Variants in TEX35 observed in about 807,000 individuals in gnomAD.
TEX35 encodes testis expressed 35, also known as testis-expressed protein 35.
A neutral mutation model predicts 31.9 loss-of-function variants in TEX35; 26 were observed. The ratio of observed to expected loss-of-function variants is 0.81; its 90% confidence interval spans 0.60 to 1.13. The LOEUF is 1.13. Among genes scored for constraint, TEX35 ranks in the 50% most tolerant of loss-of-function variants. TEX35 has a pLI of 0.00. For missense variants in TEX35, 278 were observed against 273.5 expected, an observed-to-expected ratio of 1.02 and a Z score of -0.12; for synonymous variants, 87 against 90.7, an observed-to-expected ratio of 0.96 and a Z score of 0.23.
At position 178,521,322 on chromosome 1, in the gene TEX35, G is replaced by T. The variant is rs574378762; in HGVS notation, c.586+58G>T. 6 of 1,595,196 alleles carry T rather than the reference G, an allele frequency of 3.8e-6. No homozygotes were observed. The South Asian group carries it at 6.6e-5, about 18-fold the overall frequency. On this transcript the variant is annotated intron_variant, in intron 8 of 8. Transcript: ENST00000319416. ...CGATCAGGTGCCTTGTTGTCCCCAA[G>T]GCCATGTGCTCCCAGCCGCATTCAC...
intron 1 of TEX35, 86 bp from the exon 2 acceptor site, chr1:178,513,941 G>GGGCAGGT (rs1282708373): frequency 3.3e-6 from 5 of 1,510,418 alleles, no homozygotes; most frequent in Non-Finnish European, 4.5e-6. Flanking sequence ...GGGGGGCAGG[G>GGGCAGGT]GGCAGGGTTC....
At chr1:178,521,072 T>A in intron 7 of TEX35, 150 bp from the exon 8 acceptor site, 2 of 1,571,272 alleles carry the variant, frequency 1.3e-6, no homozygotes, top group Non-Finnish European at 1.7e-6. Flanking sequence ...GCTGTGACCA[T>A]GCAGGACTTG....
At position 178,516,635 on chromosome 1, in the gene TEX35, G is replaced by T. The variant is rs760953202; in HGVS notation, c.237G>T (p.Lys79Asn). The change falls in exon 5 of 9, where the codon AAG (lysine) becomes AAT (asparagine). Residue 79 changes from lysine (K) to asparagine (N), a missense_variant. Physicochemically the swap from Lys to Asn is moderately conservative, Grantham distance 94. Coordinates refer to ENST00000319416, the MANE Select transcript of TEX35 (RefSeq NM_032126.5). ...GTTAGATAAAGGATCTAATGGACAA[G>T]GATTTTGATAAACTTCACGAATTTG... is the stretch of plus-strand genomic sequence containing the variant. ...EIKQIKDLMD[K>N]DFDKLHEFVE... is the part of the protein sequence containing the mutation. The T allele has an allele frequency of 6.2e-7, 1 of 1,613,674 alleles. No individual in the cohort carries two copies. Among genetic ancestry groups the T allele is most frequent in the Non-Finnish European group, 8.5e-7 (1 of 1,179,734 alleles).
At chr1:178,523,064 G>C (rs1377435186), downstream of TEX35, among the ~76,000 whole-genome samples, 2 of 152,124 alleles carry the variant, frequency 1.3e-5, no homozygotes, top group East Asian at 1.9e-4. Flanking sequence ...TTGTCTTTCT[G>C]TGCCCGGCTT....
intron 2 of TEX35, 71 bp from the exon 3 acceptor site, chr1:178,514,629 C>G: frequency 1.4e-6 from 2 of 1,450,928 alleles, no homozygotes; most frequent in South Asian, 1.2e-5. Context: ...ACAGGGGGAT[C>G]TCTTCTGCCT....
Position 178,521,269 on chromosome 1 carries a change from G to A in TEX35, c.586+5G>A, listed in dbSNP as rs1334201091. On this transcript the variant is annotated splice_donor_5th_base_variant and intron_variant, in intron 8 of 8. Transcript: ENST00000319416. ...TAAAGAACAACTACAATCGGGGTAG[G>A]TAGATTCATACAAGATGTGCCTTTT... 2.5e-6 allele frequency: 4 copies of A among 1,614,204 alleles called. No homozygotes were observed. Among genetic ancestry groups the A allele is most frequent in the South Asian group, 1.1e-5 (1 of 91,088 alleles).
At chr1:178,514,118 A>G in intron 2 of TEX35, 41 bp downstream of exon 2, 4 of 1,614,096 alleles carry the variant, frequency 2.5e-6, no homozygotes, top group Non-Finnish European at 3.4e-6. Context: ...GCCAGGCCTG[A>G]GATCCATGGG....
Position 178,520,447 on chromosome 1 carries a change from C to A in TEX35, c.341+11C>A, listed in dbSNP as rs1461886816. ...GAAGAACTATAAGCTGTAAGTGTAA[C>A]CTGCACTCGTCTCTCCTCATCCCTA... On this transcript the variant is annotated intron_variant, in intron 6 of 8. Transcript: ENST00000319416. 6.2e-7 allele frequency: 1 copy of A among 1,614,074 alleles called. No individual in the cohort carries two copies. The highest frequency in any genetic ancestry group is 8.5e-7 in the Non-Finnish European group (1 of 1,179,996).
intron 5 of TEX35, 54 bp from the exon 6 acceptor site, chr1:178,520,318 G>GT: frequency 6.4e-7 from 1 of 1,551,676 alleles, no homozygotes; most frequent in Non-Finnish European, 8.8e-7. Context: ...CAGGAGGAAG[G>GT]TATTTCCAAA....
chr1:178,523,192 A>C, downstream of TEX35: 1 of 647,900 alleles, frequency 1.5e-6, no homozygotes, highest in Non-Finnish European at 2.8e-6. Flanking sequence ...TTCCTCATTC[A>C]TCTGTTGATG....
chr1:178,520,437 G>A lies in TEX35; in HGVS notation c.341+1G>A. ...TAAATACACAGAAGAACTATAAGCT[G>A]TAAGTGTAACCTGCACTCGTCTCTC... is the stretch of plus-strand genomic sequence containing the variant. On this transcript the variant is annotated splice_donor_variant, in intron 6 of 8. Transcript: ENST00000319416. LOFTEE classifies it high-confidence loss of function. 1 of 1,614,106 alleles carries A rather than the reference G, an allele frequency of 6.2e-7. No homozygotes were observed. The highest frequency in any genetic ancestry group is 8.5e-7 in the Non-Finnish European group (1 of 1,180,010).
chr1:178,522,211 C>G, intron 8 of TEX35, 114 bp from the exon 9 acceptor site: 1 of 1,380,234 alleles, frequency 7.2e-7, no homozygotes, highest in South Asian at 1.5e-5. Context: ...GTCTTGTCAC[C>G]AAGCAGGACT....
chr1:178,522,606 C>G lies in TEX35; in HGVS notation c.*166C>G. On this transcript the variant is annotated 3_prime_UTR_variant, in exon 9 of 9. Transcript: ENST00000319416. ...AGTTCCTCCTTGTTTCATCTCTTTG[C>G]TAAGCTGGCTGCTTCTACCATCTAA... The G allele has an allele frequency of 7.6e-7, 1 of 1,308,294 alleles. No individual in the cohort carries two copies. The highest frequency in any genetic ancestry group is 9.7e-7 in the Non-Finnish European group (1 of 1,027,850). 81.0% of individuals were successfully genotyped at this position (1,308,294 alleles called of 1,614,324 possible). A position where few individuals can be genotyped will look rare whatever the true frequency, so the allele number is the denominator to read the frequency against.
At chr1:178,521,857 G>A (rs1311696034) in intron 8 of TEX35, 26 of 1,490,130 alleles carry the variant, frequency 1.7e-5, no homozygotes, top group Non-Finnish European at 2.1e-5. Flanking sequence ...TTGAGTGTGT[G>A]GAGGTTGATT....
At chr1:178,515,942 T>C (rs1011584262) in intron 4 of TEX35, 27 bp downstream of exon 4, 4 of 1,573,016 alleles carry the variant, frequency 2.5e-6, no homozygotes, top group South Asian at 1.1e-5. Flanking sequence ...TTCCATATCA[T>C]GGAGGGAAAG....
chr1:178,522,161 C>A (rs905319733), intron 8 of TEX35, 164 bp from the exon 9 acceptor site: 3 of 962,220 alleles, frequency 3.1e-6, no homozygotes, highest in African/African-American at 3.3e-5. Context: ...TGCAGGGAAC[C>A]CCTCAGCCTC....
chr1:178,513,730 G>A (rs1649959586), intron 1 of TEX35, among the ~76,000 whole-genome samples: 1 of 152,254 alleles, frequency 6.6e-6, no homozygotes, highest in Admixed American at 6.5e-5. Context: ...CACTTCCGGG[G>A]CTTGCTTCTA....
At chr1:178,514,813 G>A in intron 3 of TEX35, 45 bp downstream of exon 3, 1 of 1,556,240 alleles carries the variant, frequency 6.4e-7, no homozygotes. Flanking sequence ...CAAACCACGT[G>A]AGTGTAAGTT....
chr1:178,514,792 T>C, intron 3 of TEX35, 24 bp downstream of exon 3: 1 of 1,607,580 alleles, frequency 6.2e-7, no homozygotes, highest in Non-Finnish European at 8.5e-7. Flanking sequence ...CTTGGAGGCA[T>C]GTCTATATTC....
Sources: gnomAD v4.1 joint callset for allele counts (sites outside exome capture counted in the v4.1 genomes callset) on GRCh38, gnomAD v4.1.1 for gene constraint, MANE v1.5 for transcripts, NCBI Gene and HGNC (gene_info 2026-07-23, HGNC 2026-07-21) for gene names.